ALDH2: variants seen among roughly 807,000 people sequenced by gnomAD.
ALDH2 encodes the protein aldehyde dehydrogenase, mitochondrial.
In ALDH2, 44 loss-of-function variants were observed where a neutral mutation model predicts 59.6. That is an observed-to-expected ratio of 0.74 (90% CI 0.58 to 0.95). The LOEUF is 0.95. ALDH2 is among the 40% of genes least tolerant of loss of function. The pLI, the probability that ALDH2 is intolerant of heterozygous loss-of-function variation, is 0.00. For synonymous variants in ALDH2, 291 were observed against 284.0 expected, an observed-to-expected ratio of 1.02 and a Z score of -0.25; for missense variants, 570 against 696.3, an observed-to-expected ratio of 0.82 and a Z score of 2.04.
intron 1 of ALDH2, among the ~76,000 whole-genome samples, chr12:111,779,886 G>C (rs1051450959): frequency 6.6e-6 from 1 of 152,154 alleles, no homozygotes; most frequent in Non-Finnish European, 1.5e-5. Flanking sequence ...GGCACTTTAT[G>C]TATGTATTTA....
chr12:111,800,135 G>C, intron 11 of ALDH2, 72 bp downstream of exon 11: 1 of 1,484,388 alleles, frequency 6.7e-7, no homozygotes, highest in East Asian at 2.4e-5. Context: ...GGAATCTGGT[G>C]GTCACCATCC....
In ALDH2 at chr12:111,803,947, C is replaced by G. The variant is rs1381088341; in HGVS notation, c.1495C>G (p.Leu499Val). The G allele has an allele frequency of 6.2e-7, 1 of 1,611,616 alleles. No individual in the cohort carries two copies. The highest frequency in any genetic ancestry group is 8.5e-7 in the Non-Finnish European group (1 of 1,178,824). The change falls in exon 12 of 13, where the codon CTG becomes GTG. Residue 499 changes from leucine to valine, a missense_variant. Transcript: ENST00000261733. ...GSGRELGEYG[L>V]QAYTEVKTVT... ...TGGCCGGGAGTTGGGCGAGTACGGG[C>G]TGCAGGCATACACTGAAGTGAAAAC...
rs775156542 is a variant in ALDH2, at chr12:111,781,972, G to A, written c.169G>A (p.Val57Ile). 15 of 1,613,830 alleles carry A rather than the reference G, an allele frequency of 9.3e-6. No individual in the cohort carries two copies. Among genetic ancestry groups the A allele is most frequent in the East Asian group, 4.5e-5 (2 of 44,878 alleles). Residue 57 changes from valine to isoleucine, a missense_variant, in exon 2 of 13, where the codon GTC (valine) becomes ATC (isoleucine). Physicochemically the swap from Val to Ile is conservative, Grantham distance 29. Coordinates refer to ENST00000261733, the MANE Select transcript of ALDH2 (RefSeq NM_000690.4). ...DAVSRKTFPT[V>I]NPSTGEVICQ... ...CGTCAGCAGGAAAACATTCCCCACCGTCAATCCGTCCACTGGAGAGGTCAT... is the reference window on the plus strand; with the variant it reads ...CGTCAGCAGGAAAACATTCCCCACCATCAATCCGTCCACTGGAGAGGTCAT...
intron 10 of ALDH2, among the ~76,000 whole-genome samples, chr12:111,798,956 C>T (rs1014528386): frequency 6.0e-5 from 9 of 150,788 alleles, no homozygotes; most frequent in Non-Finnish European, 1.0e-4. Flanking sequence ...TTTCAGTGAG[C>T]CGAGATCGCG....
chr12:111,769,673 G>A (rs2068185107), intron 1 of ALDH2, among the ~76,000 whole-genome samples: 1 of 151,708 alleles, frequency 6.6e-6, no homozygotes, highest in African/African-American at 2.4e-5. Context: ...AGTACGTTCA[G>A]ATCTCATTTA....
chr12:111,808,325 A>G (rs773732266), intron 12 of ALDH2, among the ~76,000 whole-genome samples: 3 of 152,218 alleles, frequency 2.0e-5, no homozygotes, highest in African/African-American at 7.2e-5. Flanking sequence ...AAACTGGAGT[A>G]TGGTGATGAT....
chr12:111,805,776 G>C (rs1170810986), intron 12 of ALDH2, among the ~76,000 whole-genome samples: 1 of 152,162 alleles, frequency 6.6e-6, no homozygotes, highest in Non-Finnish European at 1.5e-5. Flanking sequence ...TATAATCCCA[G>C]CACTTCTGGA....
intron 1 of ALDH2, among the ~76,000 whole-genome samples, chr12:111,769,572 C>CT (rs11442381): frequency 0.082 from 11,848 of 144,400 alleles, 1,491 homozygotes; most frequent in East Asian, 0.61. Context: ...GCACACCAGA[C>CT]TTTTTTTTTT....
intron 3 of ALDH2, among the ~76,000 whole-genome samples, chr12:111,784,627 A>AT (rs2068296730): frequency 6.6e-6 from 1 of 151,826 alleles, no homozygotes; most frequent in Non-Finnish European, 1.5e-5. Context: ...TATTATTATT[A>AT]TTTTTTGAGA....
chr12:111,778,123 C>T (rs1328335193), intron 1 of ALDH2, among the ~76,000 whole-genome samples: 1 of 152,164 alleles, frequency 6.6e-6, no homozygotes, highest in Admixed American at 6.5e-5. Context: ...CCATGCTTGG[C>T]GCAGAGACTG....
intron 12 of ALDH2, among the ~76,000 whole-genome samples, chr12:111,806,714 G>A (rs931779309): frequency 6.6e-6 from 1 of 152,242 alleles, no homozygotes; most frequent in Non-Finnish European, 1.5e-5. Flanking sequence ...GCTCATGCCT[G>A]TAATCCCAGC....
At chr12:111,783,057 G>C (rs754643496) in intron 2 of ALDH2, 101 bp from the exon 3 acceptor site, 6 of 1,464,648 alleles carry the variant, frequency 4.1e-6, no homozygotes, top group Admixed American at 2.0e-5. Context: ...TCTGTGCAGC[G>C]ATATGCTGAT....
intron 12 of ALDH2, among the ~76,000 whole-genome samples, chr12:111,808,957 G>A (rs1367498220): frequency 2.0e-5 from 3 of 152,076 alleles, no homozygotes; most frequent in Non-Finnish European, 4.4e-5. Context: ...TCCAAGGAGG[G>A]GTTGAGTGGT....
At chr12:111,770,879 G>C (rs2068194065) in intron 1 of ALDH2, among the ~76,000 whole-genome samples, 1 of 151,912 alleles carries the variant, frequency 6.6e-6, no homozygotes, top group Non-Finnish European at 1.5e-5. Flanking sequence ...TTGAACTCCT[G>C]GCCTCAGGTG....
intron 12 of ALDH2, among the ~76,000 whole-genome samples, chr12:111,806,994 T>C (rs769616260): frequency 5.3e-5 from 8 of 150,132 alleles, no homozygotes; most frequent in African/African-American, 7.4e-5. Context: ...AGACCGGGCA[T>C]GGTGGCTCAC....
At chr12:111,800,782 T>C (rs1192113887) in intron 11 of ALDH2, among the ~76,000 whole-genome samples, 2 of 152,142 alleles carry the variant, frequency 1.3e-5, no homozygotes, top group Admixed American at 1.3e-4. Flanking sequence ...AAGTTAAACA[T>C]GAAGCCCCCA....
rs558512612 is a variant in ALDH2 at position 111,770,968 on chromosome 12, G to A, written c.114+3872G>A. On this transcript the variant is annotated intron_variant, in intron 1 of 12. Coordinates refer to ENST00000261733, the MANE Select transcript of ALDH2 (RefSeq NM_000690.4). ...AATTTTTTATAATTTTTATAGAGATGGGGTTTTGCCATGTTGCCCAGGCTG... is the reference window on the plus strand; with the variant it reads ...AATTTTTTATAATTTTTATAGAGATAGGGTTTTGCCATGTTGCCCAGGCTG... Among the ~76,000 whole-genome samples, 37 of 150,488 alleles carry A rather than the reference G, an allele frequency of 2.5e-4. 1 individual carries two copies. In the South Asian group the frequency reaches 6.7e-3, roughly 27 times the overall value.
rs1475681709 is a variant in ALDH2 at position 111,812,993 on chromosome 12, G to A, written c.*3418G>A. The stretch of plus-strand genomic sequence containing the variant: ...ACTCACTGTAACTGTGAGAGGATCG[G>A]CTCTTTTAACCAACAGATAAGAAAG... On this transcript the variant is annotated 3_prime_UTR_variant, in exon 13 of 13. Transcript: ENST00000261733. 3 of 152,214 alleles carry A rather than the reference G, an allele frequency of 2.0e-5. No individual in the cohort carries two copies. The highest frequency in any genetic ancestry group is 4.4e-5 in the Non-Finnish European group (3 of 68,044). 9.4% of individuals were successfully genotyped at this position (152,214 alleles called of 1,614,324 possible).
Position 111,810,962 on chromosome 12 carries a change from C to G in ALDH2, c.*1387C>G, listed in dbSNP as rs1299176166. ...GATTTGGAAACCAGATGTCAATTTACTTACTTTAAGTGAGATCTGTATCTT... is the reference window on the plus strand; with the variant it reads ...GATTTGGAAACCAGATGTCAATTTAGTTACTTTAAGTGAGATCTGTATCTT... On this transcript the variant is annotated 3_prime_UTR_variant, in exon 13 of 13. Transcript: ENST00000261733. 6.6e-6 allele frequency: 1 copy of G among 152,166 alleles called. No homozygotes were observed. Among genetic ancestry groups the G allele is most frequent in the Non-Finnish European group, 1.5e-5 (1 of 68,036 alleles). 9.4% of individuals were successfully genotyped at this position (152,166 alleles called of 1,614,324 possible).
Sources: gnomAD v4.1 joint callset for allele counts (sites outside exome capture counted in the v4.1 genomes callset) on GRCh38, gnomAD v4.1.1 for gene constraint, MANE v1.5 for transcripts, NCBI Gene and HGNC (gene_info 2026-07-23, HGNC 2026-07-21) for gene names.